ANXA4: variants seen among roughly 807,000 people sequenced by gnomAD.
ANXA4 encodes the protein annexin A4.
ANXA4 carries 39 observed loss-of-function variants against 49.8 expected under a neutral mutation model. The observed-to-expected ratio is 0.78, with a 90% CI of 0.61 to 1.02. The LOEUF is 1.02. Ranked by LOEUF, ANXA4 falls within the 50% of genes least tolerant of loss-of-function variation. The probability of loss-of-function intolerance (pLI) is 0.00; values close to 1 mark genes in which losing one functional copy is unlikely to be tolerated. For synonymous variants in ANXA4, 134 were observed against 152.5 expected, an observed-to-expected ratio of 0.88 and a Z score of 0.89; for missense variants, 360 against 410.1, an observed-to-expected ratio of 0.88 and a Z score of 1.05.
intron 1 of ANXA4, among the ~76,000 whole-genome samples, chr2:69,765,611 C>G (rs780724109): frequency 7.9e-5 from 12 of 152,182 alleles, no homozygotes; most frequent in Non-Finnish European, 4.4e-5. Context: ...TTTGCACTTT[C>G]TAGCACTATA....
intron 2 of ANXA4, among the ~76,000 whole-genome samples, chr2:69,689,939 G>A (rs1487140178): frequency 6.6e-6 from 1 of 151,590 alleles, no homozygotes; most frequent in Non-Finnish European, 1.5e-5. Context: ...AAAAAATAAG[G>A]AAACATTTTC....
chr2:69,810,539 A>G, intron 6 of ANXA4, 55 bp from the exon 7 acceptor site: 1 of 1,452,262 alleles, frequency 6.9e-7, no homozygotes. Flanking sequence ...GGAGTGTGAC[A>G]GGGCATTGGG....
chr2:69,703,898 C>T (rs895806536), intron 2 of ANXA4, among the ~76,000 whole-genome samples: 1 of 152,126 alleles, frequency 6.6e-6, no homozygotes, highest in Non-Finnish European at 1.5e-5. Context: ...CCTCAGCCTC[C>T]CAGGTAGCTA....
chr2:69,797,434 C>G (rs986785295), intron 3 of ANXA4, among the ~76,000 whole-genome samples: 1 of 152,210 alleles, frequency 6.6e-6, no homozygotes, highest in Non-Finnish European at 1.5e-5. Context: ...TGGGTAATTA[C>G]TCTCTGACCT....
In ANXA4 at chr2:69,810,620, A is replaced by G. The variant is rs754442845; in HGVS notation, c.424A>G (p.Ile142Val). 7 of 1,613,998 alleles carry G rather than the reference A, an allele frequency of 4.3e-6. No homozygotes were observed. Among genetic ancestry groups the G allele is most frequent in the Non-Finnish European group, 5.9e-6 (7 of 1,180,004 alleles). The change falls in exon 7 of 13, where the codon ATT becomes GTT. Residue 142 changes from isoleucine to valine, a missense_variant. Coordinates refer to ENST00000394295, the MANE Select transcript of ANXA4 (RefSeq NM_001153.5). Reference protein sequence around the residue: ...QQYGRSLEDDIRSDTSFMFQR... With the variant: ...QQYGRSLEDDVRSDTSFMFQR... ...ATATGGACGGAGCCTTGAAGATGAC[A>G]TTCGCTCTGACACATCGTTCATGTT...
chr2:69,678,987 G>A (rs1559072253), intron 2 of ANXA4, among the ~76,000 whole-genome samples: 1 of 152,050 alleles, frequency 6.6e-6, no homozygotes, highest in African/African-American at 2.4e-5. Context: ...TGTTTTACAT[G>A]AGCTGTTTAT....
intron 1 of ANXA4, among the ~76,000 whole-genome samples, chr2:69,749,795 C>T (rs1182864401): frequency 6.6e-6 from 1 of 151,492 alleles, no homozygotes; most frequent in African/African-American, 2.4e-5. Context: ...TGTGGTAGTG[C>T]ACGCACATAA....
chr2:69,805,669 G>C (rs546875732), intron 4 of ANXA4, among the ~76,000 whole-genome samples: 1 of 151,912 alleles, frequency 6.6e-6, no homozygotes, highest in South Asian at 2.1e-4. Context: ...TGCTAAAAAG[G>C]TTATCAGTGA....
At chr2:69,661,199 A>G (rs1009509186) in intron 2 of ANXA4, among the ~76,000 whole-genome samples, 6 of 150,980 alleles carry the variant, frequency 4.0e-5, no homozygotes, top group Non-Finnish European at 7.4e-5. Context: ...GAAGCATAAG[A>G]TGAAATAAAG....
chr2:69,671,247 T>C (rs1044430442), intron 2 of ANXA4, among the ~76,000 whole-genome samples: 4 of 152,072 alleles, frequency 2.6e-5, no homozygotes, highest in Non-Finnish European at 5.9e-5. Flanking sequence ...TAACTTTTGT[T>C]TATAAAAATA....
intron 3 of ANXA4, among the ~76,000 whole-genome samples, chr2:69,735,305 AAAG>A (rs1250036847): frequency 2.7e-4 from 41 of 152,324 alleles, no homozygotes; most frequent in African/African-American, 9.9e-4. Context: ...AACTATGAAC[AAAG>A]AAGATGTGCA....
At position 69,776,706 on chromosome 2, in the gene ANXA4, C is replaced by A. The variant is rs11693348; in HGVS notation, c.-46-4814C>A. On this transcript the variant is annotated intron_variant, in intron 1 of 12. Transcript: ENST00000394295. ...TGGAAGAAGAATAATTGTCTTGGAC[C>A]ACACATAAAATACACTAACACTAAC... Among the ~76,000 whole-genome samples the A allele has an allele frequency of 9.6e-3, 1,467 of 152,158 alleles. 12 individuals carry two copies. The highest frequency in any genetic ancestry group is 0.016 in the Non-Finnish European group (1,081 of 68,008).
At chr2:69,746,932 A>G (rs190694252) in intron 1 of ANXA4, among the ~76,000 whole-genome samples, 6 of 152,124 alleles carry the variant, frequency 3.9e-5, no homozygotes, top group Non-Finnish European at 5.9e-5. Context: ...CAGGAGGCAA[A>G]GGTTGCAGTG....
At chr2:69,805,006 C>T (rs918039967) in intron 4 of ANXA4, among the ~76,000 whole-genome samples, 5 of 123,594 alleles carry the variant, frequency 4.0e-5, no homozygotes, top group Non-Finnish European at 7.9e-5. Flanking sequence ...AAGATCATGC[C>T]ACTTCACTCC....
At chr2:69,753,647 T>C (rs948705317) in intron 1 of ANXA4, among the ~76,000 whole-genome samples, 1 of 152,144 alleles carries the variant, frequency 6.6e-6, no homozygotes, top group Non-Finnish European at 1.5e-5. Context: ...TCTTAGCAGG[T>C]TTGTCCTTAT....
At chr2:69,647,073 G>T (rs776971228) in intron 1 of ANXA4, among the ~76,000 whole-genome samples, 18 of 152,222 alleles carry the variant, frequency 1.2e-4, no homozygotes, top group Non-Finnish European at 2.2e-4. Context: ...CACTATGCAT[G>T]CATGTGCTGC....
chr2:69,762,861 ACT>A (rs1553440188), intron 1 of ANXA4, among the ~76,000 whole-genome samples: 65 of 93,840 alleles, frequency 6.9e-4, no homozygotes, highest in African/African-American at 2.2e-3. Context: ...ACACACACTC[ACT>A]CACACACTCA....
chr2:69,821,349 C>G (rs1041594878), intron 12 of ANXA4, among the ~76,000 whole-genome samples: 1 of 152,152 alleles, frequency 6.6e-6, no homozygotes, highest in Non-Finnish European at 1.5e-5. Context: ...GAAAGTGAGA[C>G]AGATTTCCCT....
chr2:69,789,651 A>G lies in ANXA4; in HGVS notation c.97+1510A>G, dbSNP rs2103715175. ...TGGTAGTAAAATTGTCAGGGTTTTT[A>G]TAAATGGGCTACTGAGGAGGGGGCT... is the stretch of plus-strand genomic sequence containing the variant. On this transcript the variant is annotated intron_variant, in intron 3 of 12. Coordinates refer to ENST00000394295, the MANE Select transcript of ANXA4 (RefSeq NM_001153.5). Among the ~76,000 whole-genome samples, 3 of 152,120 alleles carry G rather than the reference A, an allele frequency of 2.0e-5. No individual in the cohort carries two copies. In the East Asian group the frequency reaches 5.8e-4, roughly 29 times the overall value.
Sources: allele counts gnomAD v4.1 joint callset (sites outside exome capture counted in the v4.1 genomes callset), GRCh38; gene constraint gnomAD v4.1.1; transcripts MANE v1.5; gene names NCBI Gene and HGNC (gene_info 2026-07-23, HGNC 2026-07-21).